Variants in KALRN observed in about 807,000 individuals in gnomAD.
The protein encoded by KALRN is kalirin.
A neutral mutation model predicts 353.7 loss-of-function variants in KALRN; 70 were observed. The observed-to-expected ratio is 0.20, with a 90% CI of 0.16 to 0.24. The LOEUF (loss-of-function observed/expected upper bound fraction) is 0.24, where lower values mean the gene tolerates loss of function less well. Among genes scored for constraint, KALRN ranks in the 10% least tolerant of loss-of-function variants. KALRN has a pLI of 1.00. For missense variants in KALRN, 2,791 were observed against 3,756.7 expected, an observed-to-expected ratio of 0.74 and a Z score of 6.72; for synonymous variants, 1,391 against 1,434.8, an observed-to-expected ratio of 0.97 and a Z score of 0.69.
intron 5 of KALRN, among the ~76,000 whole-genome samples, chr3:124,285,017 T>C (rs1294909270): frequency 6.6e-6 from 1 of 152,142 alleles, no homozygotes; most frequent in African/African-American, 2.4e-5. Context: ...GCTTCACTCT[T>C]CCCCAAGTGA....
chr3:124,683,220 C>G (rs1047140275), intron 51 of KALRN, among the ~76,000 whole-genome samples: 8 of 152,140 alleles, frequency 5.3e-5, no homozygotes, highest in African/African-American at 1.9e-4. Context: ...GTTAGACTGC[C>G]TTGTGCCTTT....
intron 10 of KALRN, among the ~76,000 whole-genome samples, chr3:124,368,170 A>G (rs1360697761): frequency 1.8e-5 from 1 of 56,572 alleles, no homozygotes; most frequent in African/African-American, 7.7e-5. Flanking sequence ...CCCGGACAGC[A>G]CGGCTGGCCG....
chr3:124,154,712 A>T (rs1433805674), intron 1 of KALRN, among the ~76,000 whole-genome samples: 1 of 152,164 alleles, frequency 6.6e-6, no homozygotes, highest in Non-Finnish European at 1.5e-5. Flanking sequence ...ATTCAATGCC[A>T]TCCCATCAAG....
intron 1 of KALRN, among the ~76,000 whole-genome samples, chr3:124,166,908 G>A (rs536973554): frequency 1.3e-5 from 2 of 152,136 alleles, no homozygotes; most frequent in South Asian, 4.1e-4. Flanking sequence ...AGCCAGTCCT[G>A]GTGGTATGTG....
intron 1 of KALRN, chr3:124,164,245 G>C (rs777535343): frequency 6.5e-6 from 1 of 152,728 alleles, no homozygotes; most frequent in African/African-American, 2.4e-5. Flanking sequence ...AGGGCTAAAA[G>C]GTGGCAGTAT....
chr3:124,270,079 G>T (rs762911576), intron 5 of KALRN, among the ~76,000 whole-genome samples: 1 of 152,132 alleles, frequency 6.6e-6, no homozygotes, highest in Non-Finnish European at 1.5e-5. Context: ...AGGATACAAA[G>T]GTATCTTTCC....
At chr3:124,135,604 T>G (rs537752538) in intron 1 of KALRN, among the ~76,000 whole-genome samples, 12 of 152,136 alleles carry the variant, frequency 7.9e-5, no homozygotes, top group Non-Finnish European at 1.6e-4. Context: ...GTGAGCTGTC[T>G]TATAGGGAAA....
At chr3:124,110,951 ATTG>A (rs2062906488) in intron 1 of KALRN, among the ~76,000 whole-genome samples, 1 of 152,100 alleles carries the variant, frequency 6.6e-6, no homozygotes, top group Admixed American at 6.6e-5. Flanking sequence ...ACTAAATACT[ATTG>A]TTTCTTGCAG....
intron 57 of KALRN, among the ~76,000 whole-genome samples, chr3:124,711,801 CA>C (rs1207461820): frequency 6.6e-6 from 1 of 152,042 alleles, no homozygotes; most frequent in Admixed American, 6.6e-5. Context: ...TGGAAAAAAG[CA>C]GGGGATAGAA....
chr3:124,668,142 C>CT (rs1478627379), intron 47 of KALRN, among the ~76,000 whole-genome samples: 1 of 151,484 alleles, frequency 6.6e-6, no homozygotes, highest in Non-Finnish European at 1.5e-5. Flanking sequence ...GAGATCCGTC[C>CT]TACATGGCCA....
chr3:124,696,092 C>T, intron 53 of KALRN, 42 bp from the exon 54 acceptor site: 1 of 1,608,688 alleles, frequency 6.2e-7, no homozygotes, highest in Non-Finnish European at 8.5e-7. Flanking sequence ...AGTCAAGTGT[C>T]TCATTACTGG....
In KALRN at chr3:124,496,352, G is replaced by A; in HGVS notation, c.4874G>A (p.Ser1625Asn). 6.2e-7 allele frequency: 1 copy of A among 1,613,484 alleles called. No individual in the cohort carries two copies. The highest frequency in any genetic ancestry group is 8.5e-7 in the Non-Finnish European group (1 of 1,179,816). Residue 1625 changes from serine (S) to asparagine (N), a missense_variant, in exon 33 of 60, where the codon AGC (serine) becomes AAC (asparagine). Transcript: ENST00000682506. ...EDIDSQGDGS[S>N]QPDTISIASR... ...ATTGACAGCCAGGGGGATGGGAGCA[G>A]CCAACCAGACACCATCTCCATTGCT...
In KALRN at chr3:124,674,668, A is replaced by G. The variant is rs549970261; in HGVS notation, c.7193+54A>G. 41 of 1,467,108 alleles carry G rather than the reference A, an allele frequency of 2.8e-5. No homozygotes were observed. The African/African-American group carries it at 5.4e-4, about 19-fold the overall frequency. 90.9% of individuals were successfully genotyped at this position (1,467,108 alleles called of 1,614,324 possible). A position where few individuals can be genotyped will look rare whatever the true frequency, so the allele number is the denominator to read the frequency against. On this transcript the variant is annotated intron_variant, in intron 49 of 59. Coordinates refer to ENST00000682506, the MANE Select transcript of KALRN (RefSeq NM_001388419.1). ...AGGAGTATGAGGATTAAAAATATTC[A>G]GAAACAAACAAAAGAACACAAAAAT... is the stretch of plus-strand genomic sequence containing the variant.
At chr3:124,671,091 C>G (rs1399446303) in intron 47 of KALRN, among the ~76,000 whole-genome samples, 2 of 152,118 alleles carry the variant, frequency 1.3e-5, no homozygotes, top group Non-Finnish European at 2.9e-5. Context: ...CTCTCCAGTC[C>G]CTCCTCCTAA....
At chr3:124,203,733 A>G (rs1427106563) in intron 1 of KALRN, among the ~76,000 whole-genome samples, 1 of 152,186 alleles carries the variant, frequency 6.6e-6, no homozygotes. Flanking sequence ...TTCCCATTTT[A>G]CAGTTGAGGA....
At chr3:124,610,212 A>T (rs1008461739) in intron 34 of KALRN, among the ~76,000 whole-genome samples, 2 of 152,246 alleles carry the variant, frequency 1.3e-5, no homozygotes, top group African/African-American at 4.8e-5. Flanking sequence ...ATTTTTAAAT[A>T]TAGTACATTA....
At chr3:124,285,246 T>A (rs1328999980) in intron 5 of KALRN, among the ~76,000 whole-genome samples, 2 of 152,184 alleles carry the variant, frequency 1.3e-5, no homozygotes, top group East Asian at 3.9e-4. Context: ...TATACTACTC[T>A]AGAAGGAGTA....
chr3:124,395,629 C>A (rs905289169), intron 12 of KALRN: 10 of 401,832 alleles, frequency 2.5e-5, no homozygotes, highest in Admixed American at 4.1e-5. Context: ...ACAAAAAAAA[C>A]AAAAGTAAAA....
At chr3:124,524,875 C>G (rs573150570) in intron 33 of KALRN, among the ~76,000 whole-genome samples, 1 of 152,288 alleles carries the variant, frequency 6.6e-6, no homozygotes, top group Admixed American at 6.5e-5. Flanking sequence ...TGTTAGGTGA[C>G]CACACATCTT....
Sources: gnomAD v4.1 joint callset for allele counts (sites outside exome capture counted in the v4.1 genomes callset) on GRCh38, gnomAD v4.1.1 for gene constraint, MANE v1.5 for transcripts, NCBI Gene and HGNC (gene_info 2026-07-23, HGNC 2026-07-21) for gene names.